The following MIB1 variants were observed in gnomAD, a reference collection of about 807,000 sequenced individuals.
The protein encoded by MIB1 is E3 ubiquitin-protein ligase MIB1.
In MIB1, 278 loss-of-function variants were observed where a neutral mutation model predicts 124.5. The observed-to-expected ratio is 2.23, with a 90% CI of 2.02 to 2.47. MIB1 has a LOEUF of 2.47. MIB1 is among the 30% of genes most tolerant of loss of function. MIB1 has a pLI of 0.00. For missense variants in MIB1, 957 were observed against 1,254.4 expected, an observed-to-expected ratio of 0.76 and a Z score of 3.58; for synonymous variants, 446 against 429.4, an observed-to-expected ratio of 1.04 and a Z score of -0.48.
chr18:21,857,423 A>G lies in MIB1; in HGVS notation c.2779+180A>G, dbSNP rs1206965201. ...TATATTATAAGAAACCTGAAGTTCT[A>G]TTTTTGTGTGATTATGGAACTGTGA... On this transcript the variant is annotated intron_variant, in intron 19 of 20. Coordinates refer to ENST00000261537, the MANE Select transcript of MIB1 (RefSeq NM_020774.4). 4.6e-5 allele frequency among the ~76,000 whole-genome samples: 7 copies of G among 152,190 alleles called. No homozygotes were observed. In the East Asian group the frequency reaches 1.3e-3, roughly 29 times the overall value.
At chr18:21,861,648 A>AC (rs2042277247) in intron 20 of MIB1, among the ~76,000 whole-genome samples, 1 of 148,458 alleles carries the variant, frequency 6.7e-6, no homozygotes, top group South Asian at 2.1e-4. Context: ...CTTCAAGGTT[A>AC]TTAAAAAAAA....
intron 9 of MIB1, among the ~76,000 whole-genome samples, chr18:21,800,904 G>A (rs146583470): frequency 7.7e-4 from 117 of 152,126 alleles, no homozygotes; most frequent in African/African-American, 2.7e-3. Context: ...TATTTTTTGT[G>A]TTTGAAAGAT....
chr18:21,858,363 C>T (rs2042245909), intron 19 of MIB1, among the ~76,000 whole-genome samples, 183 bp from the exon 20 acceptor site: 1 of 152,134 alleles, frequency 6.6e-6, no homozygotes, highest in South Asian at 2.1e-4. Context: ...TTTTGGAGTT[C>T]ATAAATGGAA....
At chr18:21,739,604 A>G (rs1378164549), upstream of MIB1, among the ~76,000 whole-genome samples, 2 of 152,036 alleles carry the variant, frequency 1.3e-5, no homozygotes, top group Non-Finnish European at 2.9e-5. Context: ...CACCACTATC[A>G]AGTTGGCTTT....
chr18:21,722,386 T>C (rs2040719744), intron 1 of MIB1, among the ~76,000 whole-genome samples: 1 of 148,794 alleles, frequency 6.7e-6, no homozygotes, highest in South Asian at 2.1e-4. Context: ...TTATTTTTTA[T>C]TTTGAGATGG....
chr18:21,856,240 A>AAAAAAAC lies in MIB1; in HGVS notation c.2666-871_2666-865dup, dbSNP rs1555696788. 2.2e-3 allele frequency among the ~76,000 whole-genome samples: 294 copies of AAAAAAAC among 135,426 alleles called. 4 individuals are homozygous for AAAAAAAC. The highest frequency in any genetic ancestry group is 5.2e-3 in the African/African-American group (191 of 36,716). 88.8% of individuals were successfully genotyped at this position (135,426 alleles called of 152,430 possible). On this transcript the variant is annotated intron_variant, in intron 18 of 20. Transcript: ENST00000261537. The stretch of plus-strand genomic sequence containing the variant: ...CGACAGAGCGAGACTCCGTCTCAAA[A>AAAAAAAC]AAAAAACAAAAAACAAAAAACAAAA...
At chr18:21,770,909 T>C (rs543164892) in intron 3 of MIB1, among the ~76,000 whole-genome samples, 18 of 152,330 alleles carry the variant, frequency 1.2e-4, no homozygotes, top group African/African-American at 3.8e-4. Flanking sequence ...CTTTAACTTG[T>C]TCTTTTAATC....
At chr18:21,783,411 T>C (rs1184463124) in intron 6 of MIB1, among the ~76,000 whole-genome samples, 3 of 151,818 alleles carry the variant, frequency 2.0e-5, no homozygotes, top group Non-Finnish European at 2.9e-5. Context: ...CCCAGCTAAT[T>C]TTTGTATTTT....
intron 1 of MIB1, among the ~76,000 whole-genome samples, chr18:21,717,594 AT>A (rs1213366943): frequency 6.6e-6 from 1 of 152,246 alleles, no homozygotes; most frequent in African/African-American, 2.4e-5. Flanking sequence ...AAGAACATGA[AT>A]AGACAATTCT....
At chr18:21,744,328 A>G (rs2040889370) in intron 1 of MIB1, among the ~76,000 whole-genome samples, 1 of 152,100 alleles carries the variant, frequency 6.6e-6, no homozygotes, top group Admixed American at 6.6e-5. Context: ...TGTTTTTGAA[A>G]CAATTGTAGT....
chr18:21,728,130 C>CA (rs1300921435), intron 1 of MIB1, among the ~76,000 whole-genome samples: 1 of 152,236 alleles, frequency 6.6e-6, no homozygotes, highest in African/African-American at 2.4e-5. Context: ...CCACCACCCC[C>CA]AACCGCTTCC....
At chr18:21,744,230 CATTTT>C (rs1184709890) in intron 1 of MIB1, among the ~76,000 whole-genome samples, 1 of 150,776 alleles carries the variant, frequency 6.6e-6, no homozygotes, top group African/African-American at 2.4e-5. Context: ...TGTTCACTGA[CATTTT>C]ATTACATTCT....
intron 18 of MIB1, among the ~76,000 whole-genome samples, chr18:21,856,101 G>A (rs1348785763): frequency 6.6e-6 from 1 of 151,184 alleles, no homozygotes; most frequent in Admixed American, 6.6e-5. Flanking sequence ...GCGGTGGCGG[G>A]CGCCTGTAGT....
chr18:21,854,011 TTAAAAAA>T (rs1471790272), intron 18 of MIB1, among the ~76,000 whole-genome samples: 4 of 42,350 alleles, frequency 9.4e-5, no homozygotes, highest in South Asian at 1.4e-3. Context: ...AGACTCAGTC[TTAAAAAA>T]AAAAAAAAAA....
At chr18:21,790,396 A>G (rs941212115) in intron 6 of MIB1, among the ~76,000 whole-genome samples, 3 of 152,222 alleles carry the variant, frequency 2.0e-5, no homozygotes, top group Non-Finnish European at 4.4e-5. Context: ...GTGTATATCC[A>G]AGTGATGGAA....
At position 21,773,707 on chromosome 18, in the gene MIB1, C is replaced by T. The variant is rs139009046; in HGVS notation, c.615C>T (p.Tyr205=). The change falls in exon 4 of 21, where the codon TAC becomes TAT. Residue 205 remains tyrosine, a synonymous_variant. Coordinates refer to ENST00000261537, the MANE Select transcript of MIB1 (RefSeq NM_020774.4). The part of the protein sequence containing the change: ...VLWDNGAKNL[Y]RVGFEGMSDL... Reference sequence around the variant, plus strand: ...GGGATAATGGTGCTAAGAACCTTTACAGAGTTGGCTTTGAGGGCATGGTAA... The same window carrying T: ...GGGATAATGGTGCTAAGAACCTTTATAGAGTTGGCTTTGAGGGCATGGTAA... The T allele has an allele frequency of 4.4e-5, 71 of 1,602,354 alleles. No homozygotes were observed. In the African/African-American group the frequency reaches 8.4e-4, roughly 19 times the overall value.
At chr18:21,852,989 A>G in intron 17 of MIB1, 151 bp from the exon 18 acceptor site, 2 of 589,692 alleles carry the variant, frequency 3.4e-6, no homozygotes, top group South Asian at 4.4e-5. Context: ...AATAACCAGG[A>G]AAGTAGAGGA....
At chr18:21,766,923 G>A (rs2041167643) in intron 2 of MIB1, among the ~76,000 whole-genome samples, 1 of 151,884 alleles carries the variant, frequency 6.6e-6, no homozygotes, top group South Asian at 2.1e-4. Context: ...AATAAAATTA[G>A]GAAAACAAAA....
chr18:21,812,838 A>G (rs1196321399), intron 10 of MIB1, among the ~76,000 whole-genome samples: 3 of 152,196 alleles, frequency 2.0e-5, no homozygotes, highest in African/African-American at 7.2e-5. Flanking sequence ...GGCACTAGGA[A>G]CAGGACAGGC....
Sources: gnomAD v4.1 joint callset for allele counts (sites outside exome capture counted in the v4.1 genomes callset) on GRCh38, gnomAD v4.1.1 for gene constraint, MANE v1.5 for transcripts, NCBI Gene and HGNC (gene_info 2026-07-23, HGNC 2026-07-21) for gene names.